Variants in KCNIP1 observed in about 807,000 individuals in gnomAD.
KCNIP1 encodes potassium voltage-gated channel interacting protein 1.
KCNIP1 carries 18 observed loss-of-function variants against 33.0 expected under a neutral mutation model. The ratio of observed to expected loss-of-function variants is 0.55; its 90% CI spans 0.38 to 0.81. KCNIP1 has a LOEUF of 0.81. Among genes scored for constraint, KCNIP1 ranks in the 30% least tolerant of loss-of-function variants. KCNIP1 has a pLI of 0.00. For synonymous variants in KCNIP1, 93 were observed against 98.3 expected (o/e 0.95, Z 0.32); for missense variants, 238 against 271.6 (o/e 0.88, Z 0.87).
intron 1 of KCNIP1, among the ~76,000 whole-genome samples, chr5:170,658,540 C>T (rs369939027): frequency 2.0e-5 from 3 of 152,290 alleles, no homozygotes; most frequent in East Asian, 1.9e-4. Flanking sequence ...TCACAGAGAT[C>T]GCTTTTCCTA....
At chr5:170,664,948 A>G (rs1298228791) in intron 1 of KCNIP1, among the ~76,000 whole-genome samples, 2 of 152,268 alleles carry the variant, frequency 1.3e-5, no homozygotes, top group African/African-American at 2.4e-5. Flanking sequence ...TGTCTCACTC[A>G]GTGAAAGCCT....
chr5:170,653,540 G>T (rs181715118), intron 1 of KCNIP1, among the ~76,000 whole-genome samples: 3 of 152,204 alleles, frequency 2.0e-5, no homozygotes, highest in Non-Finnish European at 1.5e-5. Context: ...CTCTAATTTA[G>T]TGCCAAGTAA....
At chr5:170,589,769 TGTG>T (rs1192436600) in intron 1 of KCNIP1, among the ~76,000 whole-genome samples, 24 of 132,752 alleles carry the variant, frequency 1.8e-4, no homozygotes, top group African/African-American at 2.4e-4. Flanking sequence ...TGTGGTGTGG[TGTG>T]GTGTGGTGTG....
chr5:170,550,258 A>G (rs771911723), intron 1 of KCNIP1, among the ~76,000 whole-genome samples: 10 of 152,210 alleles, frequency 6.6e-5, no homozygotes, highest in Admixed American at 1.3e-4. Context: ...TTGGTTCTGG[A>G]ACAGAAAAAA....
At chr5:170,417,609 G>A (rs1421764854) in intron 1 of KCNIP1, among the ~76,000 whole-genome samples, 1 of 152,146 alleles carries the variant, frequency 6.6e-6, no homozygotes, top group Admixed American at 6.5e-5. Flanking sequence ...CTTGTCGTCT[G>A]GGTTCTGGTA....
At chr5:170,487,704 TAG>T (rs1337799742) in intron 1 of KCNIP1, among the ~76,000 whole-genome samples, 1 of 151,946 alleles carries the variant, frequency 6.6e-6, no homozygotes, top group Non-Finnish European at 1.5e-5. Flanking sequence ...GTATTTTTTG[TAG>T]AGACAGGGGC....
chr5:170,640,165 G>C (rs1385116861), intron 1 of KCNIP1, among the ~76,000 whole-genome samples: 1 of 152,224 alleles, frequency 6.6e-6, no homozygotes, highest in East Asian at 1.9e-4. Flanking sequence ...GGAACAGGGA[G>C]GTCCAACGGT....
chr5:170,610,704 A>C (rs1759112821), intron 1 of KCNIP1, among the ~76,000 whole-genome samples: 1 of 152,196 alleles, frequency 6.6e-6, no homozygotes, highest in South Asian at 2.1e-4. Flanking sequence ...TTGCTGTAAA[A>C]ATTCAATGGG....
intron 1 of KCNIP1, among the ~76,000 whole-genome samples, chr5:170,681,905 T>C (rs1456625570): frequency 6.6e-6 from 1 of 152,242 alleles, no homozygotes; most frequent in South Asian, 2.1e-4. Context: ...TTTTTGTCAC[T>C]TAAAATTAGG....
intron 1 of KCNIP1, among the ~76,000 whole-genome samples, chr5:170,525,940 G>T (rs1405887024): frequency 6.6e-6 from 1 of 152,226 alleles, no homozygotes; most frequent in Non-Finnish European, 1.5e-5. Flanking sequence ...CCAGGGAAAT[G>T]GGCTGCTGAG....
At chr5:170,734,571 A>G (rs144573957) in intron 7 of KCNIP1, among the ~76,000 whole-genome samples, 43 of 152,362 alleles carry the variant, frequency 2.8e-4, no homozygotes, top group African/African-American at 1.0e-3. Flanking sequence ...CCAATAGACC[A>G]GCCCCAGAGT....
At chr5:170,449,057 A>G (rs758021709) in intron 1 of KCNIP1, among the ~76,000 whole-genome samples, 26 of 152,196 alleles carry the variant, frequency 1.7e-4, no homozygotes, top group Non-Finnish European at 2.4e-4. Flanking sequence ...CAGTGCCTCC[A>G]TAAGAAAGTG....
intron 1 of KCNIP1, among the ~76,000 whole-genome samples, chr5:170,472,814 C>T (rs1756767138): frequency 6.6e-6 from 1 of 152,140 alleles, no homozygotes; most frequent in Non-Finnish European, 1.5e-5. Context: ...ACCACAGTTT[C>T]TTTATCCACT....
intron 1 of KCNIP1, among the ~76,000 whole-genome samples, chr5:170,518,612 G>A (rs1240692845): frequency 6.6e-6 from 1 of 152,220 alleles, no homozygotes; most frequent in Non-Finnish European, 1.5e-5. Flanking sequence ...GGGGTTATCA[G>A]GCACATCAGA....
chr5:170,500,242 T>G (rs1757384448), upstream of KCNIP1, among the ~76,000 whole-genome samples: 1 of 152,206 alleles, frequency 6.6e-6, no homozygotes, highest in Non-Finnish European at 1.5e-5. Flanking sequence ...TAACCTTCAT[T>G]AGTTCCTTAG....
rs62392784 is a variant in KCNIP1, at chr5:170,732,797, C to T, written c.436-3C>T. On this transcript the variant is annotated splice_polypyrimidine_tract_variant and splice_region_variant and intron_variant, in intron 5 of 7. Transcript: ENST00000328939. The stretch of plus-strand genomic sequence containing the variant: ...ACTGTGTGCTTTTATGTCCCTGCTC[C>T]AGGAGATGATGGACATTGTCAAAGC... 82,672 of 1,595,660 alleles carry T rather than the reference C, an allele frequency of 0.052. 2,450 individuals are homozygous for T. The highest frequency in any genetic ancestry group is 0.076 in the Middle Eastern group (457 of 6,034).
intron 1 of KCNIP1, among the ~76,000 whole-genome samples, chr5:170,646,250 C>T (rs946041416): frequency 6.6e-6 from 1 of 152,044 alleles, no homozygotes; most frequent in African/African-American, 2.4e-5. Flanking sequence ...TCTATGAGGC[C>T]AATATTACCC....
intron 1 of KCNIP1, among the ~76,000 whole-genome samples, chr5:170,694,981 A>G (rs1762843296): frequency 6.6e-6 from 1 of 152,208 alleles, no homozygotes; most frequent in Admixed American, 6.5e-5. Flanking sequence ...ATAGCCAAAG[A>G]TAAGTCAGTA....
intron 1 of KCNIP1, among the ~76,000 whole-genome samples, chr5:170,355,716 C>T (rs1187462960): frequency 6.6e-6 from 1 of 152,186 alleles, no homozygotes; most frequent in African/African-American, 2.4e-5. Flanking sequence ...AGAGTGTTGG[C>T]CTCTGCAAGG....
Sources: allele counts gnomAD v4.1 joint callset (sites outside exome capture counted in the v4.1 genomes callset), GRCh38; gene constraint gnomAD v4.1.1; transcripts MANE v1.5; gene names NCBI Gene and HGNC (gene_info 2026-07-23, HGNC 2026-07-21).